The following SCAF11 variants were observed in gnomAD, a reference collection of about 807,000 sequenced individuals.
The protein encoded by SCAF11 is SR-related CTD associated factor 11, also known as protein SCAF11.
A neutral mutation model predicts 140.5 loss-of-function variants in SCAF11; 47 were observed. The observed-to-expected ratio is 0.33, with a 90% confidence interval of 0.26 to 0.43. SCAF11 has a LOEUF of 0.43. Among genes scored for constraint, SCAF11 ranks in the 20% least tolerant of loss-of-function variants. The pLI, the probability that SCAF11 is intolerant of heterozygous loss-of-function variation, is 1.00. For synonymous variants in SCAF11, 557 were observed against 579.4 expected (o/e 0.96, Z 0.55); for missense variants, 1,645 against 1,705.1 (o/e 0.96, Z 0.62).
At chr12:45,924,188 A>G (rs1944787164) in intron 12 of SCAF11, among the ~76,000 whole-genome samples, 1 of 152,130 alleles carries the variant, frequency 6.6e-6, no homozygotes, top group Non-Finnish European at 1.5e-5. Flanking sequence ...ATAAGCAACA[A>G]ATTGTTTGCA....
intron 6 of SCAF11, among the ~76,000 whole-genome samples, chr12:45,944,237 CAA>C (rs1482193830): frequency 2.6e-5 from 4 of 152,150 alleles, no homozygotes; most frequent in African/African-American, 9.7e-5. Flanking sequence ...CATAGAAAAG[CAA>C]AGACTGTTTT....
chr12:45,956,272 T>G, intron 3 of SCAF11: 1 of 659,304 alleles, frequency 1.5e-6, no homozygotes, highest in Non-Finnish European at 2.8e-6. Context: ...TAGGTTTGCC[T>G]GTTTGTGGGA....
intron 1 of SCAF11, among the ~76,000 whole-genome samples, chr12:45,973,313 T>C (rs547184564): frequency 2.7e-5 from 4 of 149,220 alleles, no homozygotes; most frequent in Middle Eastern, 3.2e-3. Flanking sequence ...TAGGGACCTG[T>C]GAGGCAGTAC....
rs1945841712 is a variant in SCAF11, at chr12:45,961,863, A to G, written c.62-6T>C. 1 of 1,595,398 alleles carries G rather than the reference A, an allele frequency of 6.3e-7. No individual in the cohort carries two copies. Among genetic ancestry groups the G allele is most frequent in the Non-Finnish European group, 8.5e-7 (1 of 1,172,232 alleles). On this transcript the variant is annotated splice_region_variant and splice_polypyrimidine_tract_variant and intron_variant, in intron 2 of 14. Transcript: ENST00000369367. ...ATTATCTCCGTTTTCTTCACCTGTT[A>G]AAGTAAAACAGCCATATGTGCTTTC...
At chr12:45,987,984 C>G (rs1171505284) in intron 1 of SCAF11, among the ~76,000 whole-genome samples, 1 of 152,084 alleles carries the variant, frequency 6.6e-6, no homozygotes. Context: ...TAAAAAAATA[C>G]AATGCAAAGA....
chr12:45,972,987 G>GATATATAGATAT (rs1183684875), intron 1 of SCAF11, among the ~76,000 whole-genome samples: 1 of 132,800 alleles, frequency 7.5e-6, no homozygotes, highest in African/African-American at 3.2e-5. Flanking sequence ...TAGATATATA[G>GATATATAGATAT]ATATAGATAT....
At chr12:45,990,940 G>A (rs1165956078), upstream of SCAF11, among the ~76,000 whole-genome samples, 1 of 152,238 alleles carries the variant, frequency 6.6e-6, no homozygotes, top group Non-Finnish European at 1.5e-5. Flanking sequence ...TTTGGCCTCT[G>A]CCCTCCTTTG....
intron 8 of SCAF11, among the ~76,000 whole-genome samples, chr12:45,933,881 TAATA>T (rs1945111151): frequency 1.3e-5 from 2 of 152,148 alleles, no homozygotes; most frequent in Admixed American, 1.3e-4. Flanking sequence ...CCCCACAAGC[TAATA>T]AATAAGCTAC....
At chr12:45,971,093 C>T (rs983289446) in intron 1 of SCAF11, among the ~76,000 whole-genome samples, 2 of 152,248 alleles carry the variant, frequency 1.3e-5, no homozygotes, top group South Asian at 4.1e-4. Context: ...TTTTTCAAAG[C>T]TAATACATTT....
intron 6 of SCAF11, among the ~76,000 whole-genome samples, chr12:45,941,961 A>G (rs1266121125): frequency 6.6e-6 from 1 of 152,226 alleles, no homozygotes; most frequent in African/African-American, 2.4e-5. Flanking sequence ...TAGCCCACTC[A>G]ATGTGAAGAC....
intron 1 of SCAF11, among the ~76,000 whole-genome samples, chr12:45,977,768 G>C (rs995645766): frequency 1.3e-5 from 2 of 152,072 alleles, no homozygotes; most frequent in African/African-American, 4.8e-5. Flanking sequence ...GAGCTTGGGA[G>C]GGGGTGTTTG....
At chr12:45,922,411 AC>A (rs1944736949) in intron 14 of SCAF11, 51 bp downstream of exon 14, 1 of 1,575,248 alleles carries the variant, frequency 6.3e-7, no homozygotes. Flanking sequence ...ATTTATTAAA[AC>A]AGAGGTGGTT....
In SCAF11 at chr12:45,990,515, C is replaced by A. The variant is rs1258324490; in HGVS notation, c.-184G>T. The A allele has an allele frequency of 8.9e-6, 11 of 1,231,828 alleles. No homozygotes were observed. The highest frequency in any genetic ancestry group is 1.1e-5 in the Non-Finnish European group (11 of 988,220). 76.3% of individuals were successfully genotyped at this position (1,231,828 alleles called of 1,614,324 possible). ...CTCCGCTGGCTCGGTCCGGAGGCGG[C>A]GGCGAAGCAGGGAGCGACCCAGGTT... On this transcript the variant is annotated 5_prime_UTR_variant, in exon 1 of 15. Coordinates refer to ENST00000369367, the MANE Select transcript of SCAF11 (RefSeq NM_004719.3).
intron 1 of SCAF11, among the ~76,000 whole-genome samples, chr12:45,980,258 A>G (rs940086254): frequency 2.0e-5 from 3 of 152,220 alleles, no homozygotes; most frequent in African/African-American, 7.2e-5. Flanking sequence ...AACATTCTTA[A>G]TGATTCAAAT....
upstream of SCAF11, chr12:45,991,873 C>A: frequency 7.8e-7 from 1 of 1,283,164 alleles, no homozygotes; most frequent in Non-Finnish European, 1.0e-6. Context: ...CTGCTCCCCG[C>A]GCGCGGCTCA....
In SCAF11 at chr12:45,923,073, C is replaced by T. The variant is rs1377955474; in HGVS notation, c.3988G>A (p.Gly1330Arg). ...CCAGAACTTGGTCCCTGAACCATTC[C>T]CGTATTTCCTGGGGCTGCTGTCGGA... Reference protein sequence around the residue: ...PAPTAAPGNTGMVQGPSSGNT... With the variant: ...PAPTAAPGNTRMVQGPSSGNT... Residue 1330 changes from glycine to arginine, a missense_variant, in exon 13 of 15, where the codon GGA (glycine) becomes AGA (arginine). Physicochemically the swap from Gly to Arg is moderately radical, Grantham distance 125 (BLOSUM62 -2). Transcript: ENST00000369367. 2 of 1,614,034 alleles carry T rather than the reference C, an allele frequency of 1.2e-6. No individual in the cohort carries two copies. The highest frequency in any genetic ancestry group is 1.3e-5 in the African/African-American group (1 of 74,904).
chr12:45,984,915 G>A (rs1209700583), intron 1 of SCAF11, among the ~76,000 whole-genome samples: 1 of 152,116 alleles, frequency 6.6e-6, no homozygotes, highest in Non-Finnish European at 1.5e-5. Flanking sequence ...GGCTGGCCTT[G>A]AACTCCTGAC....
chr12:45,964,708 A>G (rs1407288707), intron 1 of SCAF11, among the ~76,000 whole-genome samples: 1 of 152,116 alleles, frequency 6.6e-6, no homozygotes, highest in Non-Finnish European at 1.5e-5. Flanking sequence ...ATAACTATTA[A>G]GCAACAAAGC....
At chr12:45,942,981 CT>C (rs1198313358) in intron 6 of SCAF11, among the ~76,000 whole-genome samples, 1 of 152,150 alleles carries the variant, frequency 6.6e-6, no homozygotes, top group East Asian at 1.9e-4. Context: ...TCTCAATTCC[CT>C]TTTGCTTCTC....
Sources: gnomAD v4.1 joint callset for allele counts (sites outside exome capture counted in the v4.1 genomes callset) on GRCh38, gnomAD v4.1.1 for gene constraint, MANE v1.5 for transcripts, NCBI Gene and HGNC (gene_info 2026-07-23, HGNC 2026-07-21) for gene names.